ELMO1: variants seen among roughly 807,000 people sequenced by gnomAD.
The protein encoded by ELMO1 is engulfment and cell motility protein 1.
ELMO1 carries 26 observed loss-of-function variants against 98.9 expected under a neutral mutation model. That is an observed-to-expected ratio of 0.26 (90% CI 0.19 to 0.36). ELMO1 has a LOEUF of 0.36. Among genes scored for constraint, ELMO1 ranks in the 10% least tolerant of loss-of-function variants. The pLI, the probability that ELMO1 is intolerant of heterozygous loss-of-function variation, is 1.00. For missense variants in ELMO1, 627 were observed against 935.2 expected, an observed-to-expected ratio of 0.67 and a Z score of 4.30; for synonymous variants, 346 against 346.0, an observed-to-expected ratio of 1.00 and a Z score of 0.00.
intron 4 of ELMO1, 55 bp downstream of exon 4, chr7:37,314,795 C>A (rs950475882): frequency 2.2e-5 from 34 of 1,529,778 alleles, no homozygotes; most frequent in Non-Finnish European, 2.8e-5. Flanking sequence ...AAAACATCAT[C>A]ATGATTTACT....
At chr7:37,179,683 G>A (rs745872211) in intron 13 of ELMO1, among the ~76,000 whole-genome samples, 1 of 151,802 alleles carries the variant, frequency 6.6e-6, no homozygotes, top group African/African-American at 2.4e-5. Flanking sequence ...ACTTGGGCAA[G>A]GCTGGCTACA....
At chr7:37,308,984 C>T (rs1798757062) in intron 4 of ELMO1, among the ~76,000 whole-genome samples, 1 of 152,140 alleles carries the variant, frequency 6.6e-6, no homozygotes, top group South Asian at 2.1e-4. Context: ...GGTCTCAGAA[C>T]AGGAAGAAGA....
intron 16 of ELMO1, among the ~76,000 whole-genome samples, chr7:36,918,911 T>C (rs73106657): frequency 0.07 from 10,627 of 151,890 alleles, 495 homozygotes; most frequent in African/African-American, 0.12. Context: ...AGGAAAAATA[T>C]TTTTTTTCTT....
At chr7:36,934,553 G>A (rs201810206) in intron 16 of ELMO1, among the ~76,000 whole-genome samples, 1 of 152,218 alleles carries the variant, frequency 6.6e-6, no homozygotes, top group Non-Finnish European at 1.5e-5. Flanking sequence ...ATAACATTGG[G>A]ACTGTTTCTG....
chr7:37,046,164 G>A (rs890700261), intron 15 of ELMO1, among the ~76,000 whole-genome samples: 1 of 152,134 alleles, frequency 6.6e-6, no homozygotes, highest in African/African-American at 2.4e-5. Context: ...TTTCACTGTT[G>A]CCTATAACAA....
At chr7:37,388,414 A>ATTT (rs3054376) in intron 1 of ELMO1, among the ~76,000 whole-genome samples, 14,571 of 149,222 alleles carry the variant, frequency 0.098, 768 homozygotes, top group Non-Finnish European at 0.11. Context: ...TATGTAACTA[A>ATTT]TTTTTTTTTT....
At chr7:37,032,082 G>GT (rs1794914531) in intron 15 of ELMO1, among the ~76,000 whole-genome samples, 1 of 152,106 alleles carries the variant, frequency 6.6e-6, no homozygotes, top group Non-Finnish European at 1.5e-5. Context: ...CCAGGCCTGC[G>GT]TGAGTCATTG....
At chr7:37,266,571 T>C (rs868245345) in intron 5 of ELMO1, among the ~76,000 whole-genome samples, 1 of 152,162 alleles carries the variant, frequency 6.6e-6, no homozygotes, top group Non-Finnish European at 1.5e-5. Context: ...TATAATAGGG[T>C]TCACAAAAAA....
rs1287796948 is a variant in ELMO1 at position 36,870,062 on chromosome 7, G to C, written c.1905+331C>G. 1.3e-5 allele frequency among the ~76,000 whole-genome samples: 2 copies of C among 152,198 alleles called. No individual in the cohort carries two copies. Among genetic ancestry groups the C allele is most frequent in the Non-Finnish European group, 2.9e-5 (2 of 68,034 alleles). ...GGGAGAAATAAACATAAATGGGGGAGGTTAGGAGAGGCCCAGGGAATGGAC... is the reference window on the plus strand; with the variant it reads ...GGGAGAAATAAACATAAATGGGGGACGTTAGGAGAGGCCCAGGGAATGGAC... On this transcript the variant is annotated intron_variant, in intron 20 of 21. Transcript: ENST00000310758. The surrounding 1 kb of genome is among the most constrained non-coding windows in gnomAD (Gnocchi z 4.4).
chr7:37,096,747 A>C lies in ELMO1; in HGVS notation c.1192-20T>G. 6.3e-7 allele frequency: 1 copy of C among 1,599,424 alleles called. No homozygotes were observed. Among genetic ancestry groups the C allele is most frequent in the Non-Finnish European group, 8.6e-7 (1 of 1,166,830 alleles). ...CACAATCTGTAATGGGAAAGGGAAC[A>C]GATTAGAAAGGAAATTCAATTGTGG... On this transcript the variant is annotated intron_variant, in intron 14 of 21. Coordinates refer to ENST00000310758, the MANE Select transcript of ELMO1 (RefSeq NM_014800.11).
intron 13 of ELMO1, among the ~76,000 whole-genome samples, chr7:37,164,950 T>C (rs1187377065): frequency 1.3e-5 from 2 of 151,858 alleles, no homozygotes; most frequent in Non-Finnish European, 2.9e-5. Context: ...TTTCACAATA[T>C]TGATTCTTCC....
At chr7:37,043,459 G>A (rs1407019524) in intron 15 of ELMO1, among the ~76,000 whole-genome samples, 2 of 152,226 alleles carry the variant, frequency 1.3e-5, no homozygotes, top group African/African-American at 2.4e-5. Context: ...GGATGGCAAA[G>A]CGGCCACACA....
At chr7:37,065,745 C>T (rs75466878) in intron 15 of ELMO1, among the ~76,000 whole-genome samples, 4 of 152,128 alleles carry the variant, frequency 2.6e-5, no homozygotes, top group East Asian at 1.9e-4. Context: ...AAAATGAAAA[C>T]GCTCGTGCTA....
intron 4 of ELMO1, among the ~76,000 whole-genome samples, chr7:37,281,012 A>AATAT (rs1554288330): frequency 2.0e-4 from 22 of 108,800 alleles, no homozygotes; most frequent in African/African-American, 5.8e-4. Context: ...TATATATATA[A>AATAT]ATATATATAT....
chr7:37,257,619 C>T (rs1584882042), intron 6 of ELMO1, among the ~76,000 whole-genome samples: 1 of 137,902 alleles, frequency 7.3e-6, no homozygotes, highest in South Asian at 2.4e-4. Context: ...AGTCCCAGCA[C>T]TTCTGGGAGG....
At chr7:37,276,152 G>A (rs576535144) in intron 4 of ELMO1, among the ~76,000 whole-genome samples, 2 of 152,236 alleles carry the variant, frequency 1.3e-5, no homozygotes, top group East Asian at 3.9e-4. Context: ...TTCCTCCCAT[G>A]GAAAATGAGG....
intron 4 of ELMO1, among the ~76,000 whole-genome samples, chr7:37,310,331 T>G (rs904956107): frequency 1.3e-5 from 2 of 152,196 alleles, no homozygotes; most frequent in African/African-American, 4.8e-5. Flanking sequence ...CAACCTAACC[T>G]CCTCATGGCT....
chr7:36,952,502 A>G (rs1338730163), intron 16 of ELMO1, among the ~76,000 whole-genome samples: 1 of 152,186 alleles, frequency 6.6e-6, no homozygotes, highest in Admixed American at 6.5e-5. Flanking sequence ...AGCACAGAGC[A>G]AACGTTTGAT....
At chr7:37,153,305 T>C (rs1788489265) in intron 13 of ELMO1, among the ~76,000 whole-genome samples, 1 of 151,868 alleles carries the variant, frequency 6.6e-6, no homozygotes, top group African/African-American at 2.4e-5. Context: ...ATGCAGCCTA[T>C]GGAGGGCGAG....
Sources: gnomAD v4.1 joint callset for allele counts (sites outside exome capture counted in the v4.1 genomes callset) on GRCh38, gnomAD v4.1.1 for gene constraint, Gnocchi (gnomAD v3.1) non-coding constraint, MANE v1.5 for transcripts, NCBI Gene and HGNC (gene_info 2026-07-23, HGNC 2026-07-21) for gene names.